ELMO1: variants seen among roughly 807,000 people sequenced by gnomAD.
ELMO1 encodes engulfment and cell motility protein 1.
Under a neutral mutation model 98.9 loss-of-function variants are expected in ELMO1, and 26 were observed. The ratio of observed to expected loss-of-function variants is 0.26; its 90% confidence interval spans 0.19 to 0.36. The LOEUF (loss-of-function observed/expected upper bound fraction) is 0.36. ELMO1 is among the 10% of genes least tolerant of loss of function. ELMO1 has a pLI of 1.00. For missense variants in ELMO1, 627 were observed against 935.2 expected (o/e 0.67, Z 4.30); for synonymous variants, 346 against 346.0 (o/e 1.00, Z 0.00).
intron 16 of ELMO1, among the ~76,000 whole-genome samples, chr7:36,983,065 T>C (rs1791208573): frequency 6.6e-6 from 1 of 152,222 alleles, no homozygotes; most frequent in Admixed American, 6.5e-5. Context: ...TTCCTAGTTG[T>C]TCATCACCCT....
intron 10 of ELMO1, among the ~76,000 whole-genome samples, chr7:37,222,381 C>T (rs1163758737): frequency 6.6e-6 from 1 of 152,216 alleles, no homozygotes; most frequent in Admixed American, 6.5e-5. Context: ...TGCTGGAACA[C>T]TCCTAGCATC....
chr7:37,174,214 A>G (rs1004675934), intron 13 of ELMO1, among the ~76,000 whole-genome samples: 4 of 152,114 alleles, frequency 2.6e-5, no homozygotes, highest in African/African-American at 7.2e-5. Context: ...CCTTTTTCCT[A>G]TAAAGATGCC....
rs191106211 is a variant in ELMO1, at chr7:36,936,030, C to T, written c.1438-41013G>A. 5.3e-4 allele frequency among the ~76,000 whole-genome samples: 81 copies of T among 152,304 alleles called. No individual in the cohort carries two copies. The Middle Eastern group carries it at 0.01, about 19-fold the overall frequency. ...CCTGTTTTATTCAGGTGTCCACTCACCCTCCAGGCAGCCCTAGCACCTGAG... is the reference window on the plus strand; with the variant it reads ...CCTGTTTTATTCAGGTGTCCACTCATCCTCCAGGCAGCCCTAGCACCTGAG... On this transcript the variant is annotated intron_variant, in intron 16 of 21. Transcript: ENST00000310758.
intron 1 of ELMO1, among the ~76,000 whole-genome samples, chr7:37,402,336 C>A (rs908183679): frequency 1.3e-5 from 2 of 152,120 alleles, no homozygotes; most frequent in Non-Finnish European, 2.9e-5. Flanking sequence ...GGCCTCTATG[C>A]AGCTAGAGTG....
intron 13 of ELMO1, among the ~76,000 whole-genome samples, chr7:37,210,230 G>T (rs1304112588): frequency 6.6e-6 from 1 of 152,012 alleles, no homozygotes; most frequent in African/African-American, 2.4e-5. Context: ...TGTGATCATG[G>T]GTGTGCATAC....
chr7:37,069,486 A>G (rs539478571), intron 15 of ELMO1, among the ~76,000 whole-genome samples: 171 of 152,346 alleles, frequency 1.1e-3, no homozygotes, highest in African/African-American at 3.8e-3. Flanking sequence ...GAAAAGTTCT[A>G]GCAGCTGCAA....
rs931582498 is a variant in ELMO1 at position 37,086,049 on chromosome 7, G to A, written c.1300+10570C>T. ...TTTGGGAAGAATTAGGCGGCAGTGC[G>A]TCTCTCTCAGATCTCTAAGGGCAAG... On this transcript the variant is annotated intron_variant, in intron 15 of 21. Coordinates refer to ENST00000310758, the MANE Select transcript of ELMO1 (RefSeq NM_014800.11). 6.6e-5 allele frequency among the ~76,000 whole-genome samples: 10 copies of A among 152,298 alleles called. No homozygotes were observed. The South Asian group carries it at 1.0e-3, about 16-fold the overall frequency.
chr7:37,410,192 T>C (rs1554308165), intron 1 of ELMO1, among the ~76,000 whole-genome samples: 1 of 152,206 alleles, frequency 6.6e-6, no homozygotes, highest in South Asian at 2.1e-4. Context: ...TTTTATGTAA[T>C]TGACATGAAA....
rs529769643 is a variant in ELMO1, at chr7:37,140,871, A to G, written c.1087-7637T>C. Among the ~76,000 whole-genome samples, 168 of 152,322 alleles carry G rather than the reference A, an allele frequency of 1.1e-3. 2 individuals are homozygous for G. The Middle Eastern group carries it at 0.014, about 12-fold the overall frequency. ...CTATAAGAATGGCTATAATCAAGAA[A>G]TCAAAAAACAATAGATGCTGGCATA... On this transcript the variant is annotated intron_variant, in intron 13 of 21. Coordinates refer to ENST00000310758, the MANE Select transcript of ELMO1 (RefSeq NM_014800.11).
At chr7:37,006,789 G>A (rs950753586) in intron 16 of ELMO1, among the ~76,000 whole-genome samples, 17 of 152,166 alleles carry the variant, frequency 1.1e-4, no homozygotes, top group African/African-American at 4.1e-4. Context: ...CCCTGACTTG[G>A]CCAGGGTTAT....
intron 15 of ELMO1, among the ~76,000 whole-genome samples, chr7:37,049,338 C>T (rs1251762586): frequency 6.6e-6 from 1 of 152,180 alleles, no homozygotes; most frequent in African/African-American, 2.4e-5. Context: ...ACCATACCAG[C>T]TCCCAAGGAA....
intron 13 of ELMO1, chr7:37,211,158 G>T (rs183771309): frequency 3.1e-4 from 168 of 541,104 alleles, no homozygotes; most frequent in African/African-American, 2.9e-3. Flanking sequence ...AATCAGAACT[G>T]AATAAACAAA....
intron 7 of ELMO1, among the ~76,000 whole-genome samples, chr7:37,237,329 G>T (rs906317659): frequency 6.6e-6 from 1 of 151,998 alleles, no homozygotes; most frequent in Non-Finnish European, 1.5e-5. Flanking sequence ...TCACTCTTTT[G>T]CCCAGGCTGG....
intron 15 of ELMO1, among the ~76,000 whole-genome samples, chr7:37,047,928 C>T (rs1403499554): frequency 1.3e-5 from 2 of 151,934 alleles, no homozygotes; most frequent in Non-Finnish European, 2.9e-5. Context: ...AAAAACCCTG[C>T]TTTCTTTGAT....
chr7:37,409,074 A>C (rs944814893), intron 1 of ELMO1, among the ~76,000 whole-genome samples: 11 of 152,140 alleles, frequency 7.2e-5, no homozygotes, highest in Middle Eastern at 3.4e-3. Context: ...GAACAAACTC[A>C]GCACAATATC....
At chr7:37,314,723 C>T (rs1799064598) in intron 4 of ELMO1, 127 bp downstream of exon 4, 3 of 732,766 alleles carry the variant, frequency 4.1e-6, no homozygotes, top group Non-Finnish European at 6.5e-6. Flanking sequence ...GCTTTACAGA[C>T]TCTATTTTCG....
chr7:37,047,477 T>C (rs1420289084), intron 15 of ELMO1, among the ~76,000 whole-genome samples: 2 of 152,238 alleles, frequency 1.3e-5, no homozygotes, highest in South Asian at 4.1e-4. Context: ...AAGGGAGGAC[T>C]AATGCCCAGC....
intron 16 of ELMO1, among the ~76,000 whole-genome samples, chr7:36,964,278 T>G (rs1789216666): frequency 6.6e-6 from 1 of 152,242 alleles, no homozygotes; most frequent in African/African-American, 2.4e-5. Flanking sequence ...ATTCACGTAA[T>G]GCTGAACATC....
chr7:37,073,036 T>G (rs976223157), intron 15 of ELMO1, among the ~76,000 whole-genome samples: 8 of 152,244 alleles, frequency 5.3e-5, no homozygotes, highest in Admixed American at 5.2e-4. Flanking sequence ...TAAGTAACTA[T>G]ACATACATGC....
Sources: allele counts gnomAD v4.1 joint callset (sites outside exome capture counted in the v4.1 genomes callset), GRCh38; gene constraint gnomAD v4.1.1; transcripts MANE v1.5; gene names NCBI Gene and HGNC (gene_info 2026-07-23, HGNC 2026-07-21).